DCAF8: variants seen among roughly 807,000 people sequenced by gnomAD.
The protein encoded by DCAF8 is DDB1- and CUL4-associated factor 8.
In DCAF8, 20 loss-of-function variants were observed where a neutral mutation model predicts 68.0. The ratio of observed to expected loss-of-function variants is 0.29; its 90% CI spans 0.21 to 0.43. The LOEUF is 0.43. Ranked by LOEUF, DCAF8 falls within the 20% of genes least tolerant of loss-of-function variation. The pLI is 1.00. For missense variants in DCAF8, 460 were observed against 771.0 expected (o/e 0.60, Z 4.78); for synonymous variants, 230 against 276.9 (o/e 0.83, Z 1.68).
intron 6 of DCAF8, among the ~76,000 whole-genome samples, chr1:160,234,109 A>G (rs868476470): frequency 1.2e-4 from 19 of 152,162 alleles, no homozygotes; most frequent in Admixed American, 9.2e-4. Flanking sequence ...AGTCAATTTC[A>G]TTAGCTTTCA....
Position 160,217,316 on chromosome 1 carries a change from T to C in DCAF8, c.*276A>G, listed in dbSNP as rs1655150708. On this transcript the variant is annotated 3_prime_UTR_variant, in exon 14 of 14. Transcript: ENST00000368074. ...CCCAAACCAGTTAACAAAATAGGCT[T>C]CCCTCTCCTCTCAAAAAGAGGCTTT... 2.8e-6 allele frequency: 1 copy of C among 351,596 alleles called. No individual in the cohort carries two copies. Among genetic ancestry groups the C allele is most frequent in the African/African-American group, 2.1e-5 (1 of 47,688 alleles). The allele number at this position is 351,596 out of a possible 1,614,324, so 21.8% of individuals were successfully genotyped here.
intron 2 of DCAF8, among the ~76,000 whole-genome samples, chr1:160,259,714 T>A (rs1358758186): frequency 1.3e-5 from 2 of 152,108 alleles, no homozygotes; most frequent in Non-Finnish European, 2.9e-5. Flanking sequence ...GTATAAAGAA[T>A]AGTTGCAGTA....
intron 2 of DCAF8, among the ~76,000 whole-genome samples, chr1:160,254,033 T>A (rs893856769): frequency 6.6e-6 from 1 of 152,118 alleles, no homozygotes; most frequent in Non-Finnish European, 1.5e-5. Context: ...TCTATAAAAA[T>A]TATTTCCTGG....
intron 2 of DCAF8, among the ~76,000 whole-genome samples, chr1:160,259,511 G>A (rs1008005229): frequency 6.7e-6 from 1 of 148,734 alleles, no homozygotes; most frequent in African/African-American, 2.5e-5. Flanking sequence ...CCAGCCTGGT[G>A]ACAGAGCAAG....
chr1:160,237,279 G>A (rs532508568), intron 5 of DCAF8, 50 bp from the exon 6 acceptor site: 1 of 1,285,926 alleles, frequency 7.8e-7, no homozygotes, highest in East Asian at 2.5e-5. Context: ...TAGAATTAGA[G>A]GTCATCTAGT....
rs368354350 is a variant in DCAF8 at position 160,240,060 on chromosome 1, G to T, written c.360C>A (p.Arg120=). ...AGTCCTGGTCACGGTTAGCCCGCTT[G>T]CGCTGTACACGGCGCCGAGGCTGCT... ...EEEQPRRRVQ[R]KRANRDQDSS... Residue 120 remains arginine, a synonymous_variant, in exon 4 of 14, where the codon CGC becomes CGA. Coordinates refer to ENST00000368074, the MANE Select transcript of DCAF8 (RefSeq NM_015726.4). 1.9e-6 allele frequency: 3 copies of T among 1,614,252 alleles called. No homozygotes were observed. Among genetic ancestry groups the T allele is most frequent in the Non-Finnish European group, 1.7e-6 (2 of 1,180,042 alleles).
intron 2 of DCAF8, among the ~76,000 whole-genome samples, chr1:160,251,077 A>G (rs1309037340): frequency 6.6e-6 from 1 of 152,222 alleles, no homozygotes; most frequent in African/African-American, 2.4e-5. Flanking sequence ...CTGCTACTCA[A>G]GTGCCCAACT....
chr1:160,252,569 G>T (rs1177085223), intron 2 of DCAF8, among the ~76,000 whole-genome samples: 1 of 152,182 alleles, frequency 6.6e-6, no homozygotes, highest in Non-Finnish European at 1.5e-5. Flanking sequence ...AAGCTTTGTT[G>T]TTGGGGGGCA....
intron 6 of DCAF8, among the ~76,000 whole-genome samples, chr1:160,232,145 G>A (rs963020496): frequency 5.9e-5 from 9 of 152,106 alleles, no homozygotes; most frequent in Middle Eastern, 3.2e-3. Context: ...GGTAGGTAGA[G>A]GCTGCAGTGA....
intron 7 of DCAF8, among the ~76,000 whole-genome samples, chr1:160,229,737 A>G (rs1414662899): frequency 2.6e-5 from 4 of 152,086 alleles, no homozygotes; most frequent in African/African-American, 9.7e-5. Context: ...AATAAAAAAA[A>G]TTGGCCAGGC....
intron 6 of DCAF8, 37 bp from the exon 7 acceptor site, chr1:160,231,444 CA>C (rs761983933): frequency 2.0e-6 from 3 of 1,482,004 alleles, no homozygotes; most frequent in African/African-American, 2.8e-5. Context: ...TTATATACTC[CA>C]AAAGATCCAA....
rs114590076 is a variant in DCAF8, at chr1:160,243,114, A to T, written c.49+846T>A. 7.4e-3 allele frequency among the ~76,000 whole-genome samples: 1,133 copies of T among 152,286 alleles called. 16 individuals carry two copies. The highest frequency in any genetic ancestry group is 0.026 in the African/African-American group (1,069 of 41,544). On this transcript the variant is annotated intron_variant, in intron 3 of 13. Coordinates refer to ENST00000368074, the MANE Select transcript of DCAF8 (RefSeq NM_015726.4). ...GCTGGACTCTGTGCTGCCCAACTAT[A>T]TCCATTTAAAGGCGGCTTCTCTAAT...
chr1:160,229,475 T>C (rs1013280551), intron 7 of DCAF8, among the ~76,000 whole-genome samples: 2 of 152,190 alleles, frequency 1.3e-5, no homozygotes, highest in Admixed American at 6.5e-5. Flanking sequence ...ATGATATACA[T>C]ATCATATGAA....
At chr1:160,228,552 G>A (rs1026707094) in intron 7 of DCAF8, among the ~76,000 whole-genome samples, 30 of 150,578 alleles carry the variant, frequency 2.0e-4, no homozygotes, top group African/African-American at 7.1e-4. Flanking sequence ...AGCTAAGCAG[G>A]AATTAGCTTA....
chr1:160,250,630 C>T (rs1458519357), intron 2 of DCAF8, among the ~76,000 whole-genome samples: 1 of 152,066 alleles, frequency 6.6e-6, no homozygotes, highest in Non-Finnish European at 1.5e-5. Context: ...AGCATAATGT[C>T]CAGACTTCTC....
intron 3 of DCAF8, among the ~76,000 whole-genome samples, chr1:160,243,481 C>T (rs1248617842): frequency 1.3e-5 from 2 of 150,178 alleles, no homozygotes; most frequent in Non-Finnish European, 3.0e-5. Flanking sequence ...TGGGCTCAAG[C>T]GATCTGCCTG....
Position 160,238,649 on chromosome 1 carries a change from C to T in DCAF8, c.822G>A (p.Lys274=), listed in dbSNP as rs2275702. Residue 274 remains lysine, a synonymous_variant, in exon 5 of 14, where the codon AAG becomes AAA. Coordinates refer to ENST00000368074, the MANE Select transcript of DCAF8 (RefSeq NM_015726.4). The part of the protein sequence containing the change: ...VAELSATQCC[K]NTKRVAQHKG... The stretch of plus-strand genomic sequence containing the variant: ...TGTGCTGGGCCACACGTTTTGTATT[C>T]TTGCAACACTGTGTGGCAGACAGTT... 4.4e-3 allele frequency: 7,020 copies of T among 1,613,470 alleles called. 142 individuals carry two copies. The African/African-American group carries it at 0.048, about 11-fold the overall frequency.
chr1:160,236,569 A>G (rs1211557160), intron 6 of DCAF8, among the ~76,000 whole-genome samples: 1 of 152,162 alleles, frequency 6.6e-6, no homozygotes, highest in African/African-American at 2.4e-5. Context: ...CATAACTAGT[A>G]GTGCCTGATT....
chr1:160,248,402 T>C (rs76649657), intron 2 of DCAF8, among the ~76,000 whole-genome samples: 2,412 of 152,220 alleles, frequency 0.016, 63 homozygotes, highest in African/African-American at 0.049. Context: ...AAACATGTAT[T>C]TGATCAAGGA....
Sources: gnomAD v4.1 joint callset for allele counts (sites outside exome capture counted in the v4.1 genomes callset) on GRCh38, gnomAD v4.1.1 for gene constraint, MANE v1.5 for transcripts, NCBI Gene and HGNC (gene_info 2026-07-23, HGNC 2026-07-21) for gene names.